OVCH1: variants seen among roughly 807,000 people sequenced by gnomAD.
The protein encoded by OVCH1 is ovochymase 1, also known as ovochymase-1.
Under a neutral mutation model 138.4 loss-of-function variants are expected in OVCH1, and 139 were observed. The observed-to-expected ratio is 1.00, with a 90% CI of 0.87 to 1.16. The LOEUF is 1.16. Among genes scored for constraint, OVCH1 ranks in the 50% most tolerant of loss-of-function variants. The pLI, the probability that OVCH1 is intolerant of heterozygous loss-of-function variation, is 0.00. For synonymous variants in OVCH1, 453 were observed against 467.8 expected (o/e 0.97, Z 0.41); for missense variants, 1,367 against 1,357.9 (o/e 1.01, Z -0.11).
chr12:29,465,235 C>T lies in OVCH1; in HGVS notation c.1857-16G>A. 6.3e-7 allele frequency: 1 copy of T among 1,576,398 alleles called. No individual in the cohort carries two copies. The highest frequency in any genetic ancestry group is 8.6e-7 in the Non-Finnish European group (1 of 1,159,194). On this transcript the variant is annotated splice_polypyrimidine_tract_variant and intron_variant, in intron 16 of 27. Coordinates refer to ENST00000318184, the Ensembl canonical transcript of OVCH1. ...ATTATTCTTCCTGGAGACAGAAGAA[C>T]AGTGAAAGTTTGACATGAAAACACA...
chr12:29,470,400 G>A (rs1174215537), intron 16 of OVCH1, among the ~76,000 whole-genome samples: 2 of 151,874 alleles, frequency 1.3e-5, no homozygotes, highest in Non-Finnish European at 2.9e-5. Flanking sequence ...CAACCCCTGT[G>A]TTTTTCCCCT....
intron 17 of OVCH1, 105 bp from the exon 18 acceptor site, chr12:29,464,807 C>T (rs1202481798): frequency 3.1e-6 from 3 of 973,686 alleles, no homozygotes; most frequent in Non-Finnish European, 4.6e-6. Context: ...CACTTACATA[C>T]ATAAACAATG....
chr12:29,419,777 T>C (rs1054292002), intron 3 of OVCH1, among the ~76,000 whole-genome samples: 10 of 152,198 alleles, frequency 6.6e-5, no homozygotes, highest in Non-Finnish European at 1.3e-4. Context: ...AAGTCTGGCA[T>C]TGCCTTAAAA....
intron 3 of OVCH1, among the ~76,000 whole-genome samples, 174 bp downstream of exon 3, chr12:29,496,007 G>C (rs1943405077): frequency 6.6e-6 from 1 of 152,150 alleles, no homozygotes. Context: ...AGGAAGCACT[G>C]GGAATCTTGG....
intron 26 of OVCH1, among the ~76,000 whole-genome samples, chr12:29,437,967 T>G (rs1260408647): frequency 6.6e-6 from 1 of 152,216 alleles, no homozygotes; most frequent in Admixed American, 6.5e-5. Context: ...TGTAAACACT[T>G]CTTATATTAA....
intron 19 of OVCH1, among the ~76,000 whole-genome samples, chr12:29,457,553 A>C (rs978844472): frequency 6.6e-5 from 10 of 151,264 alleles, no homozygotes; most frequent in East Asian, 5.9e-4. Context: ...ACAGACGCGC[A>C]CCGTCAAGCC....
intron 26 of OVCH1, among the ~76,000 whole-genome samples, chr12:29,434,467 ATTTAC>A (rs771899580): frequency 9.9e-5 from 15 of 152,268 alleles, no homozygotes; most frequent in Middle Eastern, 6.8e-3. Flanking sequence ...CAATCTATTA[ATTTAC>A]TTATTCGATA....
chr12:29,416,234 G>GA (rs985135903), intron 3 of OVCH1, among the ~76,000 whole-genome samples: 6 of 151,460 alleles, frequency 4.0e-5, no homozygotes, highest in African/African-American at 1.5e-4. Context: ...AAGAGCAAAG[G>GA]AAAAAATCTA....
chr12:29,418,485 A>G (rs1380833159), intron 3 of OVCH1, among the ~76,000 whole-genome samples: 2 of 152,234 alleles, frequency 1.3e-5, no homozygotes, highest in Non-Finnish European at 2.9e-5. Context: ...TGGCATAAAT[A>G]TAAGGAAGTT....
At chr12:29,436,439 C>G (rs1447275071) in intron 26 of OVCH1, among the ~76,000 whole-genome samples, 1 of 152,146 alleles carries the variant, frequency 6.6e-6, no homozygotes, top group African/African-American at 2.4e-5. Flanking sequence ...TAAATTTTCT[C>G]ATTTGTTTTA....
the OVCH1 span, among the ~76,000 whole-genome samples, chr12:29,404,464 A>C: frequency 2.0e-5 from 3 of 152,300 alleles, no homozygotes. Flanking sequence ...TCACAACCTA[A>C]TAGAAAACTA....
intron 13 of OVCH1, among the ~76,000 whole-genome samples, 180 bp downstream of exon 13, chr12:29,476,026 T>C (rs1220680019): frequency 1.3e-5 from 2 of 152,210 alleles, no homozygotes; most frequent in East Asian, 1.9e-4. Context: ...TTAAAAACTT[T>C]ACTGGCGAAT....
intron 15 of OVCH1, 97 bp from the exon 16 acceptor site, chr12:29,472,079 C>T (rs957486932): frequency 8.3e-7 from 1 of 1,211,502 alleles, no homozygotes; most frequent in Non-Finnish European, 1.1e-6. Flanking sequence ...GATTCTCAAA[C>T]ATCAGATAGG....
chr12:29,428,058 A>G (rs889310291), intron 27 of OVCH1, among the ~76,000 whole-genome samples: 3 of 151,484 alleles, frequency 2.0e-5, no homozygotes, highest in Non-Finnish European at 4.4e-5. Context: ...GGACCATGTT[A>G]TTTTCCTGTT....
At chr12:29,477,221 C>T (rs780152809) in exon 12 of OVCH1, 2 of 1,613,754 alleles carry the variant, frequency 1.2e-6, no homozygotes, top group Non-Finnish European at 1.7e-6. Context: ...GCCAGACTCC[C>T]ACAACCTGAC....
intron 8 of OVCH1, among the ~76,000 whole-genome samples, chr12:29,482,756 C>A (rs1942974670): frequency 6.6e-6 from 1 of 152,080 alleles, no homozygotes; most frequent in African/African-American, 2.4e-5. Flanking sequence ...CTAAAATAAC[C>A]CTTCTTCTCT....
intron 9 of OVCH1, among the ~76,000 whole-genome samples, chr12:29,478,631 C>T (rs1039948974): frequency 6.6e-6 from 1 of 151,982 alleles, no homozygotes; most frequent in Non-Finnish European, 1.5e-5. Flanking sequence ...AAGATCATTG[C>T]CCTTGGTAGA....
chr12:29,444,329 A>G, intron 23 of OVCH1, 49 bp from the exon 24 acceptor site: 1 of 1,567,590 alleles, frequency 6.4e-7, no homozygotes, highest in South Asian at 1.1e-5. Flanking sequence ...AATTTTTAAC[A>G]GGCTTCCTAT....
At chr12:29,489,035 C>T (rs1031378539) in intron 6 of OVCH1, among the ~76,000 whole-genome samples, 2 of 152,162 alleles carry the variant, frequency 1.3e-5, no homozygotes, top group African/African-American at 2.4e-5. Flanking sequence ...TACTGCTCCA[C>T]CTTAAAAGAG....
Sources: allele counts gnomAD v4.1 joint callset (sites outside exome capture counted in the v4.1 genomes callset), GRCh38; gene constraint gnomAD v4.1.1; transcripts MANE v1.5; gene names NCBI Gene and HGNC (gene_info 2026-07-23, HGNC 2026-07-21).